Variants in MED12L observed in about 807,000 individuals in gnomAD.
MED12L encodes mediator complex subunit 12L.
MED12L carries 60 observed loss-of-function variants against 281.3 expected under a neutral mutation model. The ratio of observed to expected loss-of-function variants is 0.21; its 90% CI spans 0.17 to 0.26. The LOEUF (loss-of-function observed/expected upper bound fraction) is 0.26, where lower values mean the gene tolerates loss of function less well. Among genes scored for constraint, MED12L ranks in the 10% least tolerant of loss-of-function variants. The pLI, the probability that MED12L is intolerant of heterozygous loss-of-function variation, is 1.00. For missense variants in MED12L, 2,146 were observed against 2,680.9 expected (o/e 0.80, Z 4.41); for synonymous variants, 974 against 987.2 (o/e 0.99, Z 0.25).
In MED12L at chr3:151,368,258, T is replaced by C; in HGVS notation, c.3550+7T>C. The C allele has an allele frequency of 4.3e-6, 7 of 1,610,728 alleles. No homozygotes were observed. The highest frequency in any genetic ancestry group is 5.9e-6 in the Non-Finnish European group (7 of 1,176,930). On this transcript the variant is annotated splice_region_variant and intron_variant, in intron 25 of 44. Coordinates refer to ENST00000687756, the MANE Select transcript of MED12L (RefSeq NM_001393769.1). ...TTCTTACCTCAAGCAACGGGTGAGC[T>C]GACTGCAGAAAAATCTGATTACCTT...
rs563341718 is a variant in MED12L, at chr3:151,373,806, T to C, written c.3864+1040T>C. ...ATAGTTTCTGGCCCATGTTGTACTT[T>C]CTCTGCCCCGGGCCTGGAATCAACT... is the stretch of plus-strand genomic sequence containing the variant. On this transcript the variant is annotated intron_variant, in intron 27 of 44. Transcript: ENST00000687756. Among the ~76,000 whole-genome samples, 5 of 152,150 alleles carry C rather than the reference T, an allele frequency of 3.3e-5. No individual in the cohort carries two copies. The South Asian group carries it at 1.0e-3, about 32-fold the overall frequency.
rs114981960 is a variant in MED12L at position 151,389,465 on chromosome 3, A to G, written c.5452-514A>G. ...GATCCTTACAGGCTTTGCAGCTACTATAAGGAAGAGGAAGCATGGGGGATG... is the reference window on the plus strand; with the variant it reads ...GATCCTTACAGGCTTTGCAGCTACTGTAAGGAAGAGGAAGCATGGGGGATG... On this transcript the variant is annotated intron_variant, in intron 37 of 44. Coordinates refer to ENST00000687756, the MANE Select transcript of MED12L (RefSeq NM_001393769.1). 4.7e-3 allele frequency among the ~76,000 whole-genome samples: 723 copies of G among 152,288 alleles called. 6 individuals are homozygous for G. Among genetic ancestry groups the G allele is most frequent in the Middle Eastern group, 0.017 (5 of 294 alleles).
At chr3:151,164,788 TG>T (rs1265483172) in intron 9 of MED12L, among the ~76,000 whole-genome samples, 6 of 148,256 alleles carry the variant, frequency 4.0e-5, no homozygotes, top group Non-Finnish European at 8.9e-5. Flanking sequence ...CACTCATAGG[TG>T]GGAATGGAAC....
chr3:151,258,154 C>T (rs1264540897), intron 16 of MED12L, among the ~76,000 whole-genome samples: 1 of 152,052 alleles, frequency 6.6e-6, no homozygotes, highest in African/African-American at 2.4e-5. Context: ...TTCCACAGGC[C>T]CAAAGTGGGA....
chr3:151,302,177 C>T (rs1425027747), intron 16 of MED12L, among the ~76,000 whole-genome samples: 1 of 152,166 alleles, frequency 6.6e-6, no homozygotes, highest in Admixed American at 6.5e-5. Context: ...CCAGGAAAGG[C>T]AAATCTGTAG....
At chr3:151,377,952 T>C (rs373399798) in intron 30 of MED12L, 60 bp from the exon 31 acceptor site, 205 of 1,465,772 alleles carry the variant, frequency 1.4e-4, no homozygotes, top group Non-Finnish European at 1.8e-4. Context: ...GTTTCTGTTA[T>C]AACTGTGAGA....
At chr3:151,381,133 G>A (rs183031713) in intron 32 of MED12L, among the ~76,000 whole-genome samples, 2 of 152,282 alleles carry the variant, frequency 1.3e-5, no homozygotes, top group East Asian at 3.9e-4. Context: ...AAGCAAAGTG[G>A]ATAGATTGGT....
chr3:151,385,293 T>C, intron 36 of MED12L, 102 bp downstream of exon 36: 1 of 682,786 alleles, frequency 1.5e-6, no homozygotes, highest in Non-Finnish European at 2.3e-6. Context: ...AATTTTGCTG[T>C]TGATGTTTTT....
At chr3:151,396,372 A>G (rs374077851) in intron 39 of MED12L, among the ~76,000 whole-genome samples, 25 of 152,354 alleles carry the variant, frequency 1.6e-4, no homozygotes, top group East Asian at 1.2e-3. Flanking sequence ...TTACGCCTCT[A>G]ATCCCATCAC....
At chr3:151,302,246 ATAT>A (rs1340640083) in intron 16 of MED12L, among the ~76,000 whole-genome samples, 4 of 152,188 alleles carry the variant, frequency 2.6e-5, no homozygotes, top group African/African-American at 7.2e-5. Flanking sequence ...GGCATTAAAG[ATAT>A]TATTGTTTTG....
At chr3:151,329,499 TTCTC>T in intron 16 of MED12L, 1 of 1,547,672 alleles carries the variant, frequency 6.5e-7, no homozygotes, top group African/African-American at 1.4e-5. Flanking sequence ...GGATACTCAG[TTCTC>T]TCTGTCTTCT....
rs1300523997 is a variant in MED12L at position 151,365,200 on chromosome 3, C to T, written c.3179C>T (p.Ala1060Val). The change falls in exon 22 of 45, where the codon GCT becomes GTT. Residue 1060 changes from alanine (A) to valine (V), a missense_variant. Transcript: ENST00000687756. Reference protein sequence around the residue: ...LMNVCMGHQDAGRINDIANFS... With the variant: ...LMNVCMGHQDVGRINDIANFS... ...AATGTATGTATGGGCCATCAGGATG[C>T]TGGCAGGTGAGATGGGTTACCCTGG... The T allele has an allele frequency of 6.2e-7, 1 of 1,612,204 alleles. No individual in the cohort carries two copies.
chr3:151,123,349 TA>T (rs1244830694), intron 4 of MED12L, among the ~76,000 whole-genome samples: 1 of 152,234 alleles, frequency 6.6e-6, no homozygotes, highest in Non-Finnish European at 1.5e-5. Context: ...TTCTTGTCTT[TA>T]AAAGTATCCA....
intron 5 of MED12L, among the ~76,000 whole-genome samples, chr3:151,139,941 C>T (rs1403611190): frequency 6.6e-6 from 1 of 152,164 alleles, no homozygotes; most frequent in Non-Finnish European, 1.5e-5. Context: ...ATCGCAGTCC[C>T]AAATTATTAC....
At chr3:151,418,944 T>A (rs946955135) in intron 43 of MED12L, among the ~76,000 whole-genome samples, 4 of 152,228 alleles carry the variant, frequency 2.6e-5, no homozygotes, top group African/African-American at 9.6e-5. Flanking sequence ...CAATGTGTAA[T>A]GATCAAATAA....
chr3:151,295,460 C>T lies in MED12L; in HGVS notation c.2251-54599C>T, dbSNP rs537950578. On this transcript the variant is annotated intron_variant, in intron 16 of 44. Transcript: ENST00000687756. ...AAGTCCCATTTCTGATCCCCTTTGC[C>T]AGCCTTTTGAAAATAAACATACCAG... Among the ~76,000 whole-genome samples, 6 of 152,268 alleles carry T rather than the reference C, an allele frequency of 3.9e-5. No individual in the cohort carries two copies. The East Asian group carries it at 5.8e-4, about 15-fold the overall frequency.
At chr3:151,340,672 G>A (rs1461061405) in intron 16 of MED12L, 1 of 152,578 alleles carries the variant, frequency 6.6e-6, no homozygotes, top group Non-Finnish European at 1.5e-5. Flanking sequence ...GTGGCATCTG[G>A]TATTTTCCTT....
chr3:151,124,295 A>C (rs893494122), intron 4 of MED12L, among the ~76,000 whole-genome samples: 2 of 152,214 alleles, frequency 1.3e-5, no homozygotes, highest in Non-Finnish European at 2.9e-5. Flanking sequence ...ATCATGGTGC[A>C]GTGTGTTAGC....
intron 18 of MED12L, among the ~76,000 whole-genome samples, chr3:151,355,626 G>A (rs1303555976): frequency 1.3e-5 from 2 of 152,138 alleles, no homozygotes; most frequent in African/African-American, 4.8e-5. Context: ...AAATGGTTGT[G>A]TCTAAAAATT....
Sources: allele counts gnomAD v4.1 joint callset (sites outside exome capture counted in the v4.1 genomes callset), GRCh38; gene constraint gnomAD v4.1.1; transcripts MANE v1.5; gene names NCBI Gene and HGNC (gene_info 2026-07-23, HGNC 2026-07-21).